The following TMEM116 variants were observed in gnomAD, a reference collection of about 807,000 sequenced individuals.
TMEM116 encodes transmembrane protein 116.
A neutral mutation model predicts 44.3 loss-of-function variants in TMEM116; 38 were observed. The ratio of observed to expected loss-of-function variants is 0.86; its 90% CI spans 0.66 to 1.12. TMEM116 has a LOEUF of 1.12. TMEM116 is among the 50% of genes most tolerant of loss of function. The pLI is 0.00. For missense variants in TMEM116, 354 were observed against 401.7 expected, an observed-to-expected ratio of 0.88 and a Z score of 1.01; for synonymous variants, 132 against 144.8, an observed-to-expected ratio of 0.91 and a Z score of 0.64.
At chr12:111,980,689 T>C (rs1417862620) in intron 4 of TMEM116, among the ~76,000 whole-genome samples, 1 of 152,204 alleles carries the variant, frequency 6.6e-6, no homozygotes, top group Admixed American at 6.5e-5. Flanking sequence ...ACCAGGGAAC[T>C]CTGTAGTATT....
At position 111,988,536 on chromosome 12, in the gene TMEM116, C is replaced by CA. The variant is rs879846935; in HGVS notation, c.210+3221dup. ...GTGAAACCCCATCTCCAGTAAAATA[C>CA]AAAAAAAAAAAAATTAGCCGGGCAT... On this transcript the variant is annotated intron_variant, in intron 4 of 10. Coordinates refer to ENST00000552374, the MANE Select transcript of TMEM116 (RefSeq NM_001193531.2). Among the ~76,000 whole-genome samples the CA allele has an allele frequency of 1.2e-3, 155 of 129,854 alleles. 1 individual carries two copies. Among genetic ancestry groups the CA allele is most frequent in the South Asian group, 2.0e-3 (8 of 4,076 alleles). 85.2% of individuals were successfully genotyped at this position (129,854 alleles called of 152,430 possible).
At chr12:111,937,065 G>A in intron 7 of TMEM116, 95 bp downstream of exon 7, 1 of 1,221,896 alleles carries the variant, frequency 8.2e-7, no homozygotes, top group South Asian at 1.3e-5. Context: ...TTAGCACTTT[G>A]GTCAGAATTA....
chr12:111,983,319 C>T (rs2076049766), intron 4 of TMEM116, among the ~76,000 whole-genome samples: 1 of 151,682 alleles, frequency 6.6e-6, no homozygotes, highest in African/African-American at 2.4e-5. Context: ...GCCTGTAATC[C>T]CAGCCACTTG....
At chr12:111,976,045 GGCTGGAGT>G (rs1319709618) in intron 4 of TMEM116, among the ~76,000 whole-genome samples, 4 of 151,986 alleles carry the variant, frequency 2.6e-5, no homozygotes, top group African/African-American at 9.7e-5. Flanking sequence ...CTGTCACCTA[GGCTGGAGT>G]GCTGGAGTGC....
rs759397325 is a variant in TMEM116 at position 111,936,648 on chromosome 12, C to A, written c.588+44G>T. 2.5e-6 allele frequency: 4 copies of A among 1,596,076 alleles called. No homozygotes were observed. In the African/African-American group the frequency reaches 5.4e-5, roughly 21 times the overall value. On this transcript the variant is annotated intron_variant, in intron 8 of 10. Coordinates refer to ENST00000552374, the MANE Select transcript of TMEM116 (RefSeq NM_001193531.2). ...CCTGGGAATACTGGCCCATCCCCTTCATTTCCTCATCTCTCCACAAAGGAA... is the reference window on the plus strand; with the variant it reads ...CCTGGGAATACTGGCCCATCCCCTTAATTTCCTCATCTCTCCACAAAGGAA...
intron 5 of TMEM116, among the ~76,000 whole-genome samples, chr12:111,939,425 C>A (rs1013755553): frequency 3.4e-5 from 5 of 146,576 alleles, no homozygotes; most frequent in Non-Finnish European, 7.4e-5. Flanking sequence ...TGCACTCCAG[C>A]CTGGTGACAG....
intron 1 of TMEM116, chr12:112,006,037 C>T: frequency 1.0e-6 from 1 of 971,708 alleles, no homozygotes; most frequent in Non-Finnish European, 1.2e-6. Flanking sequence ...GCCGATCCTT[C>T]CTAGTCAGGT....
At chr12:111,974,092 C>T (rs537697151) in intron 4 of TMEM116, among the ~76,000 whole-genome samples, 2 of 150,810 alleles carry the variant, frequency 1.3e-5, no homozygotes, top group South Asian at 4.2e-4. Context: ...TAAATAGGTA[C>T]AGAAAATAGC....
intron 3 of TMEM116, chr12:111,993,194 C>T (rs948846996): frequency 2.0e-5 from 7 of 356,770 alleles, no homozygotes; most frequent in African/African-American, 1.3e-4. Context: ...CATTGTGTGG[C>T]TCTCGTGGGG....
chr12:112,005,304 C>A lies in TMEM116; in HGVS notation c.-33-1G>T. 2 of 1,298,352 alleles carry A rather than the reference C, an allele frequency of 1.5e-6. No homozygotes were observed. The highest frequency in any genetic ancestry group is 4.0e-5 in the Admixed American group (1 of 25,108). The allele number at this position is 1,298,352 out of a possible 1,614,324, so 80.4% of individuals were successfully genotyped here. On this transcript the variant is annotated splice_acceptor_variant, in intron 1 of 10. Coordinates refer to ENST00000552374, the MANE Select transcript of TMEM116 (RefSeq NM_001193531.2). LOFTEE classifies it low-confidence loss of function (5UTR_SPLICE). ...GTATCCACTGTATTGCAGGAAGAAC[C>A]TAAGCAAAACAAGGAAAACGGAATA... is the stretch of plus-strand genomic sequence containing the variant.
intron 4 of TMEM116, among the ~76,000 whole-genome samples, chr12:111,980,873 A>G (rs889317860): frequency 6.6e-6 from 1 of 152,140 alleles, no homozygotes; most frequent in Admixed American, 6.5e-5. Flanking sequence ...CAGGGGTTCG[A>G]GACCAGCCTG....
At chr12:112,003,567 C>CA (rs374296039) in intron 3 of TMEM116, 19,753 of 276,464 alleles carry the variant, frequency 0.071, 7 homozygotes, top group Middle Eastern at 0.11. Flanking sequence ...GACTCCGTCT[C>CA]AAAAAAAAAA....
rs369170114 is a variant in TMEM116 at position 111,985,980 on chromosome 12, CTT to C, written c.210+5776_210+5777del. Among the ~76,000 whole-genome samples, 1,243 of 147,510 alleles carry C rather than the reference CTT, an allele frequency of 8.4e-3. 16 individuals carry two copies. The highest frequency in any genetic ancestry group is 0.029 in the African/African-American group (1,194 of 40,522). ...GCAATCCCTATCAAAATCCCAACAA[CTT>C]TTTTTTTTTGCAGAAATAAAATATA... On this transcript the variant is annotated intron_variant, in intron 4 of 10. Transcript: ENST00000552374.
At chr12:111,976,789 G>A (rs1206861486) in intron 4 of TMEM116, among the ~76,000 whole-genome samples, 1 of 151,880 alleles carries the variant, frequency 6.6e-6, no homozygotes, top group Non-Finnish European at 1.5e-5. Flanking sequence ...AGAATCAAAA[G>A]GAAACATTAA....
intron 4 of TMEM116, among the ~76,000 whole-genome samples, chr12:111,957,459 C>T (rs982041176): frequency 1.2e-4 from 18 of 151,356 alleles, no homozygotes; most frequent in African/African-American, 2.4e-5. Flanking sequence ...AAGTGAGGAG[C>T]GTCTACGCCC....
At chr12:111,956,562 G>A (rs781202562) in intron 4 of TMEM116, among the ~76,000 whole-genome samples, 10 of 152,172 alleles carry the variant, frequency 6.6e-5, no homozygotes, top group African/African-American at 9.6e-5. Context: ...CTCTAATGCC[G>A]AGCCGAGGCT....
At chr12:111,939,862 A>G (rs1480344788) in intron 5 of TMEM116, among the ~76,000 whole-genome samples, 3 of 149,314 alleles carry the variant, frequency 2.0e-5, no homozygotes, top group African/African-American at 7.4e-5. Context: ...CCAAAGAAGA[A>G]AAAGTATCTT....
chr12:112,008,536 G>T (rs2077691192), intron 1 of TMEM116, among the ~76,000 whole-genome samples: 1 of 151,374 alleles, frequency 6.6e-6, no homozygotes, highest in South Asian at 2.1e-4. Flanking sequence ...TAACTTATTG[G>T]GCTACTGTAT....
chr12:111,933,489 C>CTTT (rs202131081), intron 9 of TMEM116, among the ~76,000 whole-genome samples: 1 of 134,804 alleles, frequency 7.4e-6, no homozygotes, highest in African/African-American at 2.7e-5. Flanking sequence ...AGCCATCCTT[C>CTTT]TTTTTTTTTT....
Sources: allele counts gnomAD v4.1 joint callset (sites outside exome capture counted in the v4.1 genomes callset), GRCh38; gene constraint gnomAD v4.1.1; transcripts MANE v1.5; gene names NCBI Gene and HGNC (gene_info 2026-07-23, HGNC 2026-07-21).